Variants in SPAG16 observed in about 807,000 individuals in gnomAD.
The protein encoded by SPAG16 is sperm-associated antigen 16 protein.
Under a neutral mutation model 80.4 loss-of-function variants are expected in SPAG16, and 86 were observed. The observed-to-expected ratio is 1.07, with a 90% CI of 0.90 to 1.28. The LOEUF is 1.28. Among genes scored for constraint, SPAG16 ranks in the 50% most tolerant of loss-of-function variants. SPAG16 has a pLI of 0.00. For synonymous variants in SPAG16, 294 were observed against 265.9 expected (o/e 1.11, Z -1.03); for missense variants, 870 against 765.3 (o/e 1.14, Z -1.61).
At chr2:213,681,510 G>C (rs148927989) in intron 10 of SPAG16, among the ~76,000 whole-genome samples, 2 of 152,236 alleles carry the variant, frequency 1.3e-5, no homozygotes, top group African/African-American at 4.8e-5. Flanking sequence ...AAAGAGATCT[G>C]ATGATCTCTT....
chr2:213,652,189 A>C (rs2063048976), intron 10 of SPAG16, among the ~76,000 whole-genome samples: 1 of 152,164 alleles, frequency 6.6e-6, no homozygotes, highest in Non-Finnish European at 1.5e-5. Context: ...TCTTGTGTAA[A>C]ATAGTCTAGG....
At chr2:213,529,769 C>A (rs1293629695) in intron 10 of SPAG16, among the ~76,000 whole-genome samples, 1 of 152,188 alleles carries the variant, frequency 6.6e-6, no homozygotes, top group East Asian at 1.9e-4. Flanking sequence ...ATGGCGTTAC[C>A]TGTGCAGATC....
intron 14 of SPAG16, among the ~76,000 whole-genome samples, chr2:214,131,036 C>A (rs1288967530): frequency 6.6e-6 from 1 of 152,140 alleles, no homozygotes. Flanking sequence ...TCAATTCCTT[C>A]AGGACTGTGC....
intron 9 of SPAG16, among the ~76,000 whole-genome samples, chr2:213,436,315 T>A (rs1419844599): frequency 2.0e-5 from 3 of 152,190 alleles, no homozygotes; most frequent in African/African-American, 4.8e-5. Flanking sequence ...AGTGGGATGA[T>A]GCAAAAGATT....
intron 10 of SPAG16, among the ~76,000 whole-genome samples, chr2:213,500,484 G>T (rs1045622718): frequency 6.6e-6 from 1 of 152,134 alleles, no homozygotes; most frequent in African/African-American, 2.4e-5. Flanking sequence ...GAAAAACCCA[G>T]TTATTTCCCC....
rs531538075 is a variant in SPAG16, at chr2:214,110,662, T to C, written c.1593+2401T>C. 8.5e-5 allele frequency among the ~76,000 whole-genome samples: 13 copies of C among 152,356 alleles called. No homozygotes were observed. In the South Asian group the frequency reaches 1.7e-3, roughly 19 times the overall value. On this transcript the variant is annotated intron_variant, in intron 14 of 15. Transcript: ENST00000331683. Reference sequence around the variant, plus strand: ...TTTAGGTATATACCCAGTAATGGGATGGCTGGGTCAAATGTTATTTCTAGT... The same window carrying C: ...TTTAGGTATATACCCAGTAATGGGACGGCTGGGTCAAATGTTATTTCTAGT...
intron 12 of SPAG16, among the ~76,000 whole-genome samples, chr2:213,950,114 T>C (rs2079672239): frequency 1.3e-5 from 2 of 152,342 alleles, no homozygotes; most frequent in Non-Finnish European, 2.9e-5. Flanking sequence ...ATTAAACTGT[T>C]ATAAACTGTT....
chr2:214,069,680 T>C (rs1036942670), intron 13 of SPAG16, among the ~76,000 whole-genome samples: 1 of 152,166 alleles, frequency 6.6e-6, no homozygotes. Context: ...CTCATTAGTC[T>C]AAGCTTGTTC....
intron 10 of SPAG16, among the ~76,000 whole-genome samples, chr2:213,668,594 T>C (rs1269644037): frequency 1.3e-5 from 2 of 152,200 alleles, no homozygotes; most frequent in African/African-American, 4.8e-5. Flanking sequence ...GCATTATTTA[T>C]GCACATTTTT....
At chr2:213,557,339 T>A (rs2125969516) in intron 10 of SPAG16, among the ~76,000 whole-genome samples, 1 of 152,300 alleles carries the variant, frequency 6.6e-6, no homozygotes, top group East Asian at 1.9e-4. Flanking sequence ...TTTATATACA[T>A]GTAATATTTT....
chr2:214,156,504 G>T (rs904746507), intron 15 of SPAG16, among the ~76,000 whole-genome samples: 2 of 152,168 alleles, frequency 1.3e-5, no homozygotes, highest in Non-Finnish European at 2.9e-5. Flanking sequence ...ACTGGGCCAG[G>T]CATGGTGGCT....
intron 11 of SPAG16, among the ~76,000 whole-genome samples, chr2:213,885,014 T>G (rs1408552128): frequency 2.6e-5 from 4 of 152,186 alleles, no homozygotes; most frequent in Non-Finnish European, 1.5e-5. Context: ...TAAGAATCAT[T>G]GCTGGGGAGG....
intron 15 of SPAG16, among the ~76,000 whole-genome samples, chr2:214,358,018 G>T (rs533524041): frequency 4.6e-5 from 7 of 152,006 alleles, no homozygotes; most frequent in Non-Finnish European, 1.0e-4. Context: ...TGTCTACCCA[G>T]AACCATGCTG....
At chr2:213,473,471 C>G (rs923590905) in intron 9 of SPAG16, among the ~76,000 whole-genome samples, 1 of 152,214 alleles carries the variant, frequency 6.6e-6, no homozygotes, top group African/African-American at 2.4e-5. Flanking sequence ...GTTATATCTT[C>G]TGGACCCTCT....
In SPAG16 at chr2:213,784,626, TAAAAAAAAAAAAAAAAAA is replaced by T. The variant is rs71063777; in HGVS notation, c.1071-77849_1071-77832del. On this transcript the variant is annotated intron_variant, in intron 10 of 15. Coordinates refer to ENST00000331683, the MANE Select transcript of SPAG16 (RefSeq NM_024532.5). ...AAAATAAATGCACAGCAATTATTTC[TAAAAAAAAAAAAAAAAAA>T]AAAAAAAAAGAACTGTGAGAGCTCC... is the stretch of plus-strand genomic sequence containing the variant. 8.4e-5 allele frequency among the ~76,000 whole-genome samples: 4 copies of T among 47,902 alleles called. No individual in the cohort carries two copies. The Admixed American group carries it at 8.7e-4, about 10-fold the overall frequency. The allele number at this position is 47,902 out of a possible 152,430, so 31.4% of individuals were successfully genotyped here. A position where few individuals can be genotyped will look rare whatever the true frequency, so the allele number is the denominator to read the frequency against.
chr2:213,611,281 C>G (rs765613394), intron 10 of SPAG16, among the ~76,000 whole-genome samples: 2 of 152,110 alleles, frequency 1.3e-5, no homozygotes, highest in African/African-American at 2.4e-5. Flanking sequence ...TCCCTTGGCT[C>G]CTATGGCATG....
chr2:213,506,529 T>C (rs115266898), intron 10 of SPAG16, among the ~76,000 whole-genome samples: 64 of 152,316 alleles, frequency 4.2e-4, no homozygotes, highest in Non-Finnish European at 8.1e-4. Flanking sequence ...TATGGACCAC[T>C]TTAACTCATG....
At position 214,280,050 on chromosome 2, in the gene SPAG16, G is replaced by C. The variant is rs143140613; in HGVS notation, c.1721-130090G>C. ...GATGTCTCAAATTGATGACACCAAC[G>C]ATCACTTTAAGACACTAGAAGACAT... is the stretch of plus-strand genomic sequence containing the variant. On this transcript the variant is annotated intron_variant, in intron 15 of 15. Coordinates refer to ENST00000331683, the MANE Select transcript of SPAG16 (RefSeq NM_024532.5). Among the ~76,000 whole-genome samples, 838 of 152,236 alleles carry C rather than the reference G, an allele frequency of 5.5e-3. 6 individuals are homozygous for C. Among genetic ancestry groups the C allele is most frequent in the Non-Finnish European group, 9.5e-3 (644 of 68,008 alleles).
intron 15 of SPAG16, among the ~76,000 whole-genome samples, chr2:214,268,051 T>G (rs1315439595): frequency 6.6e-6 from 1 of 151,706 alleles, no homozygotes; most frequent in South Asian, 2.1e-4. Context: ...GAGATACAAA[T>G]TGCCAACAGA....
Sources: allele counts gnomAD v4.1 joint callset (sites outside exome capture counted in the v4.1 genomes callset), GRCh38; gene constraint gnomAD v4.1.1; transcripts MANE v1.5; gene names NCBI Gene and HGNC (gene_info 2026-07-23, HGNC 2026-07-21).